ABCA1: variants seen among roughly 807,000 people sequenced by gnomAD.
ABCA1 encodes ATP binding cassette subfamily A member 1.
ABCA1 carries 133 observed loss-of-function variants against 262.5 expected under a neutral mutation model. The observed-to-expected ratio is 0.51, with a 90% CI of 0.44 to 0.59. The LOEUF is 0.59. Ranked by LOEUF, ABCA1 falls within the 20% of genes least tolerant of loss-of-function variation. The probability of loss-of-function intolerance (pLI) is 0.00; values close to 1 mark genes in which losing one functional copy is unlikely to be tolerated. For synonymous variants in ABCA1, 1,022 were observed against 1,043.5 expected (o/e 0.98, Z 0.40); for missense variants, 2,452 against 2,777.5 (o/e 0.88, Z 2.63).
rs750237993 is a variant in ABCA1 at position 104,800,550 on chromosome 9, C to T, written c.4733G>A (p.Gly1578Glu). 2 of 1,614,106 alleles carry T rather than the reference C, an allele frequency of 1.2e-6. No individual in the cohort carries two copies. The highest frequency in any genetic ancestry group is 8.5e-7 in the Non-Finnish European group (1 of 1,179,990). ...SSADRFLNSL[G>E]RFMTGLDTKN... Reference sequence around the variant, plus strand: ...GGTGTCCAGTCCTGTCATAAATCTTCCCAAGCTGTTGAGAAATCGATCTGC... The same window carrying T: ...GGTGTCCAGTCCTGTCATAAATCTTTCCAAGCTGTTGAGAAATCGATCTGC... The change falls in exon 35 of 50, where the codon GGA (glycine) becomes GAA (glutamate). Residue 1578 changes from glycine (G) to glutamate (E), a missense_variant. This residue lies in a region of ABCA1 where 752 missense variants were observed against 944.5 expected (regional missense o/e 0.80). Coordinates refer to ENST00000374736, the MANE Select transcript of ABCA1 (RefSeq NM_005502.4).
intron 32 of ABCA1, 27 bp from the exon 33 acceptor site, chr9:104,803,343 A>T (rs566672865): frequency 6.2e-7 from 1 of 1,612,954 alleles, no homozygotes; most frequent in East Asian, 2.2e-5. Context: ...ACAAAAAATC[A>T]GTTCAAAGAA....
chr9:104,918,809 A>G (rs1325008672), intron 1 of ABCA1, among the ~76,000 whole-genome samples: 1 of 152,114 alleles, frequency 6.6e-6, no homozygotes, highest in Non-Finnish European at 1.5e-5. Flanking sequence ...TGCTTGCATC[A>G]GTGTTGCCTT....
chr9:104,831,149 T>TAAAAAAAAAA, intron 13 of ABCA1, 48 bp from the exon 14 acceptor site: 1 of 924,046 alleles, frequency 1.1e-6, no homozygotes, highest in East Asian at 3.9e-5. Flanking sequence ...AACCATACAA[T>TAAAAAAAAAA]AAAAAAAAAA....
intron 26 of ABCA1, 97 bp from the exon 27 acceptor site, chr9:104,814,328 C>CA: frequency 1.3e-6 from 2 of 1,553,778 alleles, no homozygotes; most frequent in South Asian, 1.1e-5. Context: ...AATGAGAATG[C>CA]AATAGAACAA....
intron 11 of ABCA1, among the ~76,000 whole-genome samples, chr9:104,836,169 G>A (rs1833798216): frequency 6.6e-6 from 1 of 152,172 alleles, no homozygotes; most frequent in Non-Finnish European, 1.5e-5. Flanking sequence ...CTGCCTCCCA[G>A]CGGATCAGGG....
intron 11 of ABCA1, among the ~76,000 whole-genome samples, chr9:104,836,389 T>C (rs191973611): frequency 1.3e-5 from 2 of 152,344 alleles, no homozygotes; most frequent in South Asian, 2.1e-4. Context: ...GGCAGGAAGA[T>C]GTGATTAACA....
chr9:104,818,229 A>G (rs1361966368), intron 23 of ABCA1, among the ~76,000 whole-genome samples: 1 of 152,198 alleles, frequency 6.6e-6, no homozygotes, highest in African/African-American at 2.4e-5. Context: ...TATTATCATT[A>G]CTTTCTTTCA....
chr9:104,904,121 C>T (rs1403238070), intron 1 of ABCA1, among the ~76,000 whole-genome samples: 1 of 152,174 alleles, frequency 6.6e-6, no homozygotes, highest in East Asian at 1.9e-4. Context: ...ATCCCAGAGA[C>T]CTACCTCTCT....
intron 5 of ABCA1, among the ~76,000 whole-genome samples, chr9:104,866,891 T>C (rs776327011): frequency 6.6e-6 from 1 of 152,104 alleles, no homozygotes; most frequent in Non-Finnish European, 1.5e-5. Flanking sequence ...AGAATAGAAA[T>C]TCCTTGAGGG....
At position 104,862,646 on chromosome 9, in the gene ABCA1, G is replaced by C. The variant is rs1156659951; in HGVS notation, c.422-846C>G. Among the ~76,000 whole-genome samples, 11 of 2,862 alleles carry C rather than the reference G, an allele frequency of 3.8e-3. 1 individual carries two copies. The highest frequency in any genetic ancestry group is 8.1e-3 in the African/African-American group (5 of 618). 1.9% of individuals were successfully genotyped at this position (2,862 alleles called of 152,430 possible). A position where few individuals can be genotyped will look rare whatever the true frequency, so the allele number is the denominator to read the frequency against. ...AAATGCAGACTGCCGGGCCGGGCCG[G>C]GCCGGGCCGGGCCGGGCCGGGCCGG... On this transcript the variant is annotated intron_variant, in intron 5 of 49. Coordinates refer to ENST00000374736, the MANE Select transcript of ABCA1 (RefSeq NM_005502.4).
At chr9:104,875,849 G>A (rs1270843178) in intron 5 of ABCA1, among the ~76,000 whole-genome samples, 2 of 152,134 alleles carry the variant, frequency 1.3e-5, no homozygotes, top group African/African-American at 4.8e-5. Flanking sequence ...ACCGCGGTGT[G>A]TATGTACCCC....
chr9:104,790,930 G>A lies in ABCA1; in HGVS notation c.5919C>T (p.Asn1973=). The part of the protein sequence containing the change: ...TTVTRGDAFL[N]KNSILSNIHE... The stretch of plus-strand genomic sequence containing the variant: ...GCCACTTCTTTTCTCACCTATTTTT[G>A]TTAAGGAAAGCATCTCCTCTGGTAA... Residue 1973 remains asparagine (N), a synonymous_variant, in exon 44 of 50, where the codon AAC becomes AAT. Coordinates refer to ENST00000374736, the MANE Select transcript of ABCA1 (RefSeq NM_005502.4). 6.2e-7 allele frequency: 1 copy of A among 1,609,994 alleles called. No individual in the cohort carries two copies. Among genetic ancestry groups the A allele is most frequent in the Non-Finnish European group, 8.5e-7 (1 of 1,176,642 alleles).
In ABCA1 at chr9:104,785,877, G is replaced by T. The variant is rs73517872; in HGVS notation, c.6402-238C>A. ...ATCCTCACCTGGACCCATGAAGTCTGACAGATGTTACAGAGAAACTGAGGC... is the reference window on the plus strand; with the variant it reads ...ATCCTCACCTGGACCCATGAAGTCTTACAGATGTTACAGAGAAACTGAGGC... On this transcript the variant is annotated intron_variant, in intron 48 of 49. Transcript: ENST00000374736. 5.4e-3 allele frequency among the ~76,000 whole-genome samples: 822 copies of T among 152,312 alleles called. 10 individuals carry two copies. Among genetic ancestry groups the T allele is most frequent in the African/African-American group, 0.018 (750 of 41,562 alleles).
intron 37 of ABCA1, among the ~76,000 whole-genome samples, chr9:104,796,934 A>G (rs552267867): frequency 6.6e-6 from 1 of 152,366 alleles, no homozygotes; most frequent in African/African-American, 2.4e-5. Flanking sequence ...AAATGCAGAA[A>G]TAAAGACTTG....
chr9:104,824,322 GA>G, intron 18 of ABCA1, 142 bp downstream of exon 18: 1 of 1,503,536 alleles, frequency 6.7e-7, no homozygotes, highest in Non-Finnish European at 9.0e-7. Context: ...GGAGGATTTG[GA>G]AAGGGACACT....
chr9:104,788,941 C>G (rs1588197532), intron 44 of ABCA1, among the ~76,000 whole-genome samples: 1 of 152,362 alleles, frequency 6.6e-6, no homozygotes, highest in African/African-American at 2.4e-5. Context: ...GCACCATTCA[C>G]ATGCACCAAA....
chr9:104,785,650 G>A lies in ABCA1; in HGVS notation c.6402-11C>T. 2 of 1,613,592 alleles carry A rather than the reference G, an allele frequency of 1.2e-6. No homozygotes were observed. The highest frequency in any genetic ancestry group is 1.1e-5 in the South Asian group (1 of 91,054). On this transcript the variant is annotated splice_polypyrimidine_tract_variant and intron_variant, in intron 48 of 49. Coordinates refer to ENST00000374736, the MANE Select transcript of ABCA1 (RefSeq NM_005502.4). ...TAACCATCTCCAAACCTGAAAGCAGGAAAAAATACCCAAATGGAGGATCTC... is the reference window on the plus strand; with the variant it reads ...TAACCATCTCCAAACCTGAAAGCAGAAAAAAATACCCAAATGGAGGATCTC...
chr9:104,912,173 A>G (rs1841538564), intron 1 of ABCA1, among the ~76,000 whole-genome samples: 1 of 152,240 alleles, frequency 6.6e-6, no homozygotes, highest in African/African-American at 2.4e-5. Context: ...AAATCTATGA[A>G]TATTGTACAA....
At chr9:104,846,786 G>A (rs891086996) in intron 7 of ABCA1, among the ~76,000 whole-genome samples, 19 of 152,084 alleles carry the variant, frequency 1.2e-4, no homozygotes, top group Admixed American at 1.2e-3. Flanking sequence ...GGACCTACGC[G>A]GTCTCCCTTA....
Sources: allele counts gnomAD v4.1 joint callset (sites outside exome capture counted in the v4.1 genomes callset), GRCh38; gene constraint gnomAD v4.1.1; regional missense constraint gnomAD v4.1.1; transcripts MANE v1.5; gene names NCBI Gene and HGNC (gene_info 2026-07-23, HGNC 2026-07-21).